NSD2: variants seen among roughly 807,000 people sequenced by gnomAD.
The protein encoded by NSD2 is nuclear receptor binding SET domain protein 2, also known as histone-lysine N-methyltransferase NSD2.
Under a neutral mutation model 139.0 loss-of-function variants are expected in NSD2, and 12 were observed. The observed-to-expected ratio is 0.09, with a 90% CI of 0.06 to 0.14. The LOEUF (loss-of-function observed/expected upper bound fraction) is 0.14, where lower values mean the gene tolerates loss of function less well. Ranked by LOEUF, NSD2 falls within the 10% of genes least tolerant of loss-of-function variation. The pLI is 1.00. For missense variants in NSD2, 1,155 were observed against 1,745.0 expected, an observed-to-expected ratio of 0.66 and a Z score of 6.02; for synonymous variants, 669 against 648.7, an observed-to-expected ratio of 1.03 and a Z score of -0.48.
rs935356240 is a variant in NSD2 at position 1,945,693 on chromosome 4, C to G, written c.1882-5379C>G. On this transcript the variant is annotated intron_variant, in intron 9 of 21. Coordinates refer to ENST00000508803, the MANE Select transcript of NSD2 (RefSeq NM_001042424.3). ...CCAAATGAGGGAAAAGTCCTTGGCT[C>G]GTTTGATCCAGTTGAGTTGAAAGGG... is the stretch of plus-strand genomic sequence containing the variant. The G allele has an allele frequency of 3.8e-6, 4 of 1,063,162 alleles. No individual in the cohort carries two copies. The Admixed American group carries it at 2.1e-4, about 57-fold the overall frequency. The allele number at this position is 1,063,162 out of a possible 1,614,324, so 65.9% of individuals were successfully genotyped here. A position where few individuals can be genotyped will look rare whatever the true frequency, so the allele number is the denominator to read the frequency against.
chr4:1,891,745 T>C (rs1715571667), intron 1 of NSD2, among the ~76,000 whole-genome samples: 1 of 151,042 alleles, frequency 6.6e-6, no homozygotes, highest in South Asian at 2.1e-4. Flanking sequence ...TAGTTCCAGC[T>C]ACTCGGCAGG....
chr4:1,951,224 G>T, intron 10 of NSD2, 21 bp downstream of exon 10: 1 of 1,613,630 alleles, frequency 6.2e-7, no homozygotes, highest in Non-Finnish European at 8.5e-7. Context: ...GGCAGCATCC[G>T]CTATGTCCGT....
intron 1 of NSD2, among the ~76,000 whole-genome samples, chr4:1,894,212 C>T (rs1715927797): frequency 6.6e-6 from 1 of 152,178 alleles, no homozygotes; most frequent in Non-Finnish European, 1.5e-5. Context: ...CCACTTCAGC[C>T]TCCCAAAGTG....
intron 1 of NSD2, among the ~76,000 whole-genome samples, chr4:1,894,307 A>G (rs1009858438): frequency 1.3e-5 from 2 of 152,166 alleles, no homozygotes; most frequent in African/African-American, 4.8e-5. Context: ...CAATGTATCT[A>G]GATGATTTGT....
chr4:1,967,447 G>A (rs1011305111), intron 18 of NSD2, among the ~76,000 whole-genome samples: 4 of 151,986 alleles, frequency 2.6e-5, no homozygotes, highest in East Asian at 1.9e-4. Flanking sequence ...GCGTGGTGGC[G>A]GGCGCCCATA....
chr4:1,974,847 T>C lies in NSD2; in HGVS notation c.3373-16T>C. On this transcript the variant is annotated splice_polypyrimidine_tract_variant and intron_variant, in intron 18 of 21. Coordinates refer to ENST00000508803, the MANE Select transcript of NSD2 (RefSeq NM_001042424.3). This position sits in a 1 kb window ranked among gnomAD's most constrained non-coding sequence, Gnocchi z 4.0. ...GATTGCTAACACTTGACCGAATATA[T>C]CACTTGACCTTACAGGACCGTATAA... 6.2e-7 allele frequency: 1 copy of C among 1,613,940 alleles called. No homozygotes were observed. The highest frequency in any genetic ancestry group is 8.5e-7 in the Non-Finnish European group (1 of 1,179,842).
chr4:1,957,790 AGTT>A lies in NSD2; in HGVS notation c.2882-139_2882-137del, dbSNP rs1724981335. 3 of 752,486 alleles carry A rather than the reference AGTT, an allele frequency of 4.0e-6. No individual in the cohort carries two copies. The South Asian group carries it at 5.7e-5, about 14-fold the overall frequency. The allele number at this position is 752,486 out of a possible 1,614,324, so 46.6% of individuals were successfully genotyped here. A position where few individuals can be genotyped will look rare whatever the true frequency, so the allele number is the denominator to read the frequency against. ...CATTTAAAAATACCTGCCCACTGACAGTTGTTCATAGACTCTAGTTTTATGGGA... is the reference window on the plus strand; with the variant it reads ...CATTTAAAAATACCTGCCCACTGACAGTTCATAGACTCTAGTTTTATGGGA... On this transcript the variant is annotated intron_variant, in intron 15 of 21. Transcript: ENST00000508803.
Position 1,976,355 on chromosome 4 carries a change from C to G in NSD2, c.3622-120C>G, listed in dbSNP as rs1727080027. ...GAGGAGGACACTCCTCTCCTCTCCT[C>G]TTAGTGTTGGGCACCTGCAGAGATC... On this transcript the variant is annotated intron_variant, in intron 20 of 21. Coordinates refer to ENST00000508803, the MANE Select transcript of NSD2 (RefSeq NM_001042424.3). This position sits in a 1 kb window ranked among gnomAD's most constrained non-coding sequence, Gnocchi z 5.3. 1.8e-6 allele frequency: 2 copies of G among 1,090,420 alleles called. No individual in the cohort carries two copies. Among genetic ancestry groups the G allele is most frequent in the Admixed American group, 2.2e-5 (1 of 45,554 alleles). The allele number at this position is 1,090,420 out of a possible 1,614,324, so 67.5% of individuals were successfully genotyped here.
At chr4:1,906,170 C>T (rs903788740) in intron 3 of NSD2, among the ~76,000 whole-genome samples, 7 of 152,168 alleles carry the variant, frequency 4.6e-5, no homozygotes, top group Non-Finnish European at 1.0e-4. Flanking sequence ...TAGCTGTTAG[C>T]CTCTCATGCC....
At position 1,956,561 on chromosome 4, in the gene NSD2, G is replaced by A. The variant is rs907402537; in HGVS notation, c.2881+373G>A. 2.4e-4 allele frequency among the ~76,000 whole-genome samples: 37 copies of A among 152,174 alleles called. No individual in the cohort carries two copies. Among genetic ancestry groups the A allele is most frequent in the African/African-American group, 8.2e-4 (34 of 41,438 alleles). On this transcript the variant is annotated intron_variant, in intron 15 of 21. Transcript: ENST00000508803. The surrounding 1 kb of genome is among the most constrained non-coding windows in gnomAD (Gnocchi z 5.3). ...TCTTGGGGGCTCGCTTTACCTTTCA[G>A]TGCATGAGGAATCAGGGGTGGTCAA...
chr4:1,876,170 C>T (rs539909851), intron 1 of NSD2, among the ~76,000 whole-genome samples: 26 of 151,700 alleles, frequency 1.7e-4, no homozygotes, highest in Admixed American at 1.5e-3. Context: ...GCTGAGATCG[C>T]GCCACTGCCC....
chr4:1,981,849 T>C lies in NSD2; in HGVS notation c.*2940T>C, dbSNP rs1407508591. On this transcript the variant is annotated 3_prime_UTR_variant, in exon 22 of 22. Coordinates refer to ENST00000508803, the MANE Select transcript of NSD2 (RefSeq NM_001042424.3). ...ATCCTATGAGTGTAGTTGATGACTGTTTGTTAGTCAGTAGAGTAAAATGCT... is the reference window on the plus strand; with the variant it reads ...ATCCTATGAGTGTAGTTGATGACTGCTTGTTAGTCAGTAGAGTAAAATGCT... 2 of 388,952 alleles carry C rather than the reference T, an allele frequency of 5.1e-6. No homozygotes were observed. Among genetic ancestry groups the C allele is most frequent in the Non-Finnish European group, 8.9e-6 (2 of 225,802 alleles). The allele number at this position is 388,952 out of a possible 1,614,324, so 24.1% of individuals were successfully genotyped here.
At chr4:1,897,603 G>A (rs533139530) in intron 1 of NSD2, among the ~76,000 whole-genome samples, 23 of 152,254 alleles carry the variant, frequency 1.5e-4, no homozygotes, top group Non-Finnish European at 2.1e-4. Context: ...AACAAGACAA[G>A]ATCCCGTCTC....
rs1299648042 is a variant in NSD2 at position 1,939,713 on chromosome 4, G to A, written c.1816G>A (p.Ala606Thr). Residue 606 changes from alanine to threonine, a missense_variant, in exon 9 of 22, where the codon GCA becomes ACA. Physicochemically the swap from Ala to Thr is moderately conservative, Grantham distance 58 (BLOSUM62 0). This residue lies in a region of NSD2 where 420 missense variants were observed against 469.0 expected (regional missense o/e 0.90). Transcript: ENST00000508803. ...PLKKRNRAST[A>T]ASSALGFSKS... Reference sequence around the variant, plus strand: ...GAAGAAGCGAAATCGGGCTTCCACGGCAGCATCTTCAGCTCTTGGGTTTAG... The same window carrying A: ...GAAGAAGCGAAATCGGGCTTCCACGACAGCATCTTCAGCTCTTGGGTTTAG... 2 of 1,614,214 alleles carry A rather than the reference G, an allele frequency of 1.2e-6. No individual in the cohort carries two copies. The highest frequency in any genetic ancestry group is 1.7e-6 in the Non-Finnish European group (2 of 1,180,048).
At position 1,877,188 on chromosome 4, in the gene NSD2, A is replaced by C. The variant is rs545571939; in HGVS notation, c.-30+5646A>C. The stretch of plus-strand genomic sequence containing the variant: ...TTTAGAGGATCTGTGCATGTTAGCA[A>C]TGTTCTTACATTTTGATGGTTTTCA... On this transcript the variant is annotated intron_variant, in intron 1 of 21. Transcript: ENST00000508803. 2.0e-5 allele frequency among the ~76,000 whole-genome samples: 3 copies of C among 152,272 alleles called. No individual in the cohort carries two copies. The East Asian group carries it at 5.8e-4, about 29-fold the overall frequency.
intron 9 of NSD2, chr4:1,945,752 A>ACATCAGT (rs1282733543): frequency 5.6e-6 from 6 of 1,064,042 alleles, no homozygotes; most frequent in Middle Eastern, 4.2e-4. Flanking sequence ...CTGATGGCTG[A>ACATCAGT]CATCAGTCAC....
rs1416610820 is a variant in NSD2 at position 1,976,498 on chromosome 4, G to C, written c.3645G>C (p.Glu1215Asp). Residue 1215 changes from glutamate to aspartate, a missense_variant, in exon 21 of 22, where the codon GAG (glutamate) becomes GAC (aspartate). Glu to Asp is a conservative substitution (Grantham distance 45, BLOSUM62 2). Coordinates refer to ENST00000508803, the MANE Select transcript of NSD2 (RefSeq NM_001042424.3). This position sits in a 1 kb window ranked among gnomAD's most constrained non-coding sequence, Gnocchi z 5.3. ...AGACCTCGACGACCCTTTCATCAGA[G>C]GAAAAGGGCAAAAAGACCAAGAAGA... ...RPKTSTTLSS[E>D]EKGKKTKKKT... 1.2e-6 allele frequency: 2 copies of C among 1,613,650 alleles called. No individual in the cohort carries two copies. The highest frequency in any genetic ancestry group is 1.7e-6 in the Non-Finnish European group (2 of 1,179,898).
intron 1 of NSD2, among the ~76,000 whole-genome samples, chr4:1,874,623 G>A (rs1211223531): frequency 6.6e-6 from 1 of 152,170 alleles, no homozygotes; most frequent in Non-Finnish European, 1.5e-5. Flanking sequence ...AAGAAGCTGA[G>A]TCTAGAAAGG....
At chr4:1,916,027 A>C (rs1445396845) in intron 3 of NSD2, among the ~76,000 whole-genome samples, 2 of 151,990 alleles carry the variant, frequency 1.3e-5, no homozygotes, top group Admixed American at 6.6e-5. Context: ...CCCTGGCTGC[A>C]CTGTGGGACG....
Sources: gnomAD v4.1 joint callset for allele counts (sites outside exome capture counted in the v4.1 genomes callset) on GRCh38, gnomAD v4.1.1 for gene constraint, gnomAD v4.1.1 regional missense constraint, Gnocchi (gnomAD v3.1) non-coding constraint, MANE v1.5 for transcripts, NCBI Gene and HGNC (gene_info 2026-07-23, HGNC 2026-07-21) for gene names.